The following ITGA6 variants were observed in gnomAD, a reference collection of about 807,000 sequenced individuals.
ITGA6 encodes the protein integrin alpha-6.
A neutral mutation model predicts 133.6 loss-of-function variants in ITGA6; 63 were observed. The observed-to-expected ratio is 0.47, with a 90% confidence interval of 0.38 to 0.58. The LOEUF (loss-of-function observed/expected upper bound fraction) is 0.58, where lower values mean the gene tolerates loss of function less well. Ranked by LOEUF, ITGA6 falls within the 20% of genes least tolerant of loss-of-function variation. The pLI is 0.00. For synonymous variants in ITGA6, 434 were observed against 482.0 expected (o/e 0.90, Z 1.30); for missense variants, 1,068 against 1,309.4 (o/e 0.82, Z 2.85).
At chr2:172,444,600 C>T (rs1351126749) in intron 1 of ITGA6, among the ~76,000 whole-genome samples, 2 of 121,210 alleles carry the variant, frequency 1.7e-5, no homozygotes, top group East Asian at 5.2e-4. Flanking sequence ...CCCCCGCCCC[C>T]CGCCAAAAAA....
At position 172,488,034 on chromosome 2, in the gene ITGA6, T is replaced by C; in HGVS notation, c.2398T>C (p.Ser800Pro). Residue 800 changes from serine (S) to proline (P), a missense_variant, in exon 18 of 26, where the codon TCG becomes CCG. By Grantham distance (74) the Ser-to-Pro change is moderately conservative. This residue lies in a region of ITGA6 where 609 missense variants were observed against 707.2 expected (regional missense o/e 0.86). Transcript: ENST00000684293. ...KVVIELLLSV[S>P]GVAKPSQVYF... Reference sequence around the variant, plus strand: ...GGTTATTGAACTGCTTTTATCGGTCTCGGGGTAAGTGTTTGTGTTTAGCAT... The same window carrying C: ...GGTTATTGAACTGCTTTTATCGGTCCCGGGGTAAGTGTTTGTGTTTAGCAT... 1 of 1,613,966 alleles carries C rather than the reference T, an allele frequency of 6.2e-7. No homozygotes were observed. The highest frequency in any genetic ancestry group is 8.5e-7 in the Non-Finnish European group (1 of 1,179,828).
At chr2:172,483,086 A>G (rs950931772) in intron 11 of ITGA6, among the ~76,000 whole-genome samples, 1 of 152,070 alleles carries the variant, frequency 6.6e-6, no homozygotes, top group African/African-American at 2.4e-5. Flanking sequence ...GAGATGGAAT[A>G]CTCTAGGATC....
At chr2:172,499,616 C>G (rs1018854452) in intron 24 of ITGA6, among the ~76,000 whole-genome samples, 4 of 152,170 alleles carry the variant, frequency 2.6e-5, no homozygotes, top group African/African-American at 9.7e-5. Context: ...CCTGCCTTGG[C>G]CTTCCAAATT....
rs958845330 is a variant in ITGA6, at chr2:172,465,762, G to A, written c.307+99G>A. 11 of 1,503,124 alleles carry A rather than the reference G, an allele frequency of 7.3e-6. No individual in the cohort carries two copies. The African/African-American group carries it at 1.4e-4, about 19-fold the overall frequency. 93.1% of individuals were successfully genotyped at this position (1,503,124 alleles called of 1,614,324 possible). A position where few individuals can be genotyped will look rare whatever the true frequency, so the allele number is the denominator to read the frequency against. On this transcript the variant is annotated intron_variant, in intron 2 of 25. Coordinates refer to ENST00000684293, the MANE Select transcript of ITGA6 (RefSeq NM_000210.4). ...GGACAAACATTTATTCTTGTAGAGA[G>A]GACTTCTTTTAATTGCATCAGACTT...
Position 172,487,101 on chromosome 2 carries a change from C to T in ITGA6, c.1933C>T (p.Arg645Ter). 4 of 1,611,522 alleles carry T rather than the reference C, an allele frequency of 2.5e-6. No homozygotes were observed. The highest frequency in any genetic ancestry group is 2.2e-5 in the East Asian group (1 of 44,828). ...TAAACTAGAATATAAATTTTGCACC[C>T]GAGAAGGAAATCAAGACAAATTTTC... is the stretch of plus-strand genomic sequence containing the variant. ...NLKLEYKFCT[R>*]EGNQDKFSYL... Residue 645 changes from arginine (R) to a stop codon, truncating the protein, a stop_gained, in exon 14 of 26, where the codon CGA (arginine) becomes TGA (stop). Transcript: ENST00000684293. LOFTEE classifies it high-confidence loss of function.
chr2:172,503,254 C>T (rs996716763), intron 25 of ITGA6, among the ~76,000 whole-genome samples: 1 of 151,872 alleles, frequency 6.6e-6, no homozygotes, highest in African/African-American at 2.4e-5. Context: ...AAAATTTAAT[C>T]TCAATTCAAA....
intron 9 of ITGA6, among the ~76,000 whole-genome samples, chr2:172,479,420 G>A (rs1181530184): frequency 6.6e-6 from 1 of 152,180 alleles, no homozygotes; most frequent in Non-Finnish European, 1.5e-5. Context: ...TCATAAGTGT[G>A]TACGTTTTTA....
chr2:172,479,802 C>CT, intron 10 of ITGA6, 63 bp downstream of exon 10: 1 of 1,439,948 alleles, frequency 6.9e-7, no homozygotes, highest in Non-Finnish European at 9.8e-7. Flanking sequence ...CATGATGACT[C>CT]TATTGTCCTG....
chr2:172,450,983 GTA>G (rs1368941221), intron 1 of ITGA6, among the ~76,000 whole-genome samples: 1 of 146,412 alleles, frequency 6.8e-6, no homozygotes, highest in Non-Finnish European at 1.5e-5. Context: ...TTGTGTGTGT[GTA>G]TATATATACA....
intron 24 of ITGA6, among the ~76,000 whole-genome samples, chr2:172,499,579 C>T (rs2149099643): frequency 6.6e-6 from 1 of 152,248 alleles, no homozygotes; most frequent in African/African-American, 2.4e-5. Context: ...CCAGACTGGT[C>T]TTCAACTCCT....
Position 172,467,545 on chromosome 2 carries a change from A to AG in ITGA6, c.377dup (p.Lys127GlnfsTer10), listed in dbSNP as rs905875040. 3 of 1,613,300 alleles carry AG rather than the reference A, an allele frequency of 1.9e-6. No homozygotes were observed. The highest frequency in any genetic ancestry group is 2.5e-6 in the Non-Finnish European group (3 of 1,179,484). ...GGGTCACCGTCCAGAGCCAAGGTCC[A>AG]GGGGGCAAGGTCGTGGTAAGTGTAG... On this transcript the variant is annotated frameshift_variant, in exon 3 of 26. Transcript: ENST00000684293. LOFTEE classifies it high-confidence loss of function.
chr2:172,460,210 G>A (rs182957424), intron 1 of ITGA6, among the ~76,000 whole-genome samples: 141 of 152,316 alleles, frequency 9.3e-4, no homozygotes, highest in African/African-American at 3.1e-3. Context: ...TAAAAGAATA[G>A]ATGACTGAAT....
rs1182147013 is a variant in ITGA6 at position 172,474,952 on chromosome 2, C to T, written c.1010C>T (p.Ala337Val). The T allele has an allele frequency of 6.4e-7, 1 of 1,574,468 alleles. No homozygotes were observed. The highest frequency in any genetic ancestry group is 1.7e-5 in the Admixed American group (1 of 59,978). Residue 337 changes from alanine to valine, a missense_variant, in exon 7 of 26, where the codon GCC becomes GTC. Around this residue, in one of 3 missense-constraint regions of ITGA6, gnomAD observed 317 missense variants for 456.9 expected, o/e 0.69. Coordinates refer to ENST00000684293, the MANE Select transcript of ITGA6 (RefSeq NM_000210.4). ...KDGWQDIVIG[A>V]PQYFDRDGEV... ...AGGTGGCAAGATATAGTTATTGGAG[C>T]CCCACAGTATTTTGATAGAGATGGA...
In ITGA6 at chr2:172,497,971, G is replaced by T; in HGVS notation, c.2989-4G>T. 1 of 1,613,872 alleles carries T rather than the reference G, an allele frequency of 6.2e-7. No individual in the cohort carries two copies. The highest frequency in any genetic ancestry group is 8.5e-7 in the Non-Finnish European group (1 of 1,179,818). Reference sequence around the variant, plus strand: ...GTAATGCTGCTTTCTTTTCTGCCCTGTAGGTTCGAGTGACTGTGTTTCCCT... The same window carrying T: ...GTAATGCTGCTTTCTTTTCTGCCCTTTAGGTTCGAGTGACTGTGTTTCCCT... On this transcript the variant is annotated splice_polypyrimidine_tract_variant and splice_region_variant and intron_variant, in intron 23 of 25. Transcript: ENST00000684293.
chr2:172,475,776 C>A (rs1394793287), intron 8 of ITGA6, 91 bp downstream of exon 8: 2 of 789,586 alleles, frequency 2.5e-6, no homozygotes, highest in Admixed American at 1.8e-5. Flanking sequence ...TCACACAAAT[C>A]TTATTTTATT....
chr2:172,490,965 G>C (rs944039076), intron 20 of ITGA6, 59 bp from the exon 21 acceptor site: 2 of 889,472 alleles, frequency 2.2e-6, no homozygotes, highest in African/African-American at 1.6e-5. Context: ...CAAGAGGCTT[G>C]TATGGTAATG....
At chr2:172,475,517 G>A in intron 7 of ITGA6, 80 bp from the exon 8 acceptor site, 4 of 855,632 alleles carry the variant, frequency 4.7e-6, no homozygotes, top group South Asian at 2.7e-5. Context: ...AATAGTGCTT[G>A]TGTCATCTTA....
chr2:172,463,425 C>T (rs1685516487), intron 1 of ITGA6, among the ~76,000 whole-genome samples: 1 of 152,196 alleles, frequency 6.6e-6, no homozygotes, highest in South Asian at 2.1e-4. Context: ...CTTCCTTCCC[C>T]TCTACTTGGC....
chr2:172,427,733 C>G lies in ITGA6; in HGVS notation c.-56C>G, dbSNP rs1434634572. The G allele has an allele frequency of 4.0e-6, 6 of 1,501,050 alleles. No individual in the cohort carries two copies. The highest frequency in any genetic ancestry group is 1.3e-5 in the South Asian group (1 of 77,896). The allele number at this position is 1,501,050 out of a possible 1,614,324, so 93.0% of individuals were successfully genotyped here. On this transcript the variant is annotated 5_prime_UTR_variant, in exon 1 of 26. Coordinates refer to ENST00000684293, the MANE Select transcript of ITGA6 (RefSeq NM_000210.4). ...AGCAGCGCGGCAGCCTCGGACCCAG[C>G]CCGGAGCGCAGGGCGGCCGCTGCAG...
Sources: gnomAD v4.1 joint callset for allele counts (sites outside exome capture counted in the v4.1 genomes callset) on GRCh38, gnomAD v4.1.1 for gene constraint, gnomAD v4.1.1 regional missense constraint, MANE v1.5 for transcripts, NCBI Gene and HGNC (gene_info 2026-07-23, HGNC 2026-07-21) for gene names.